The following SLC29A3 variants were observed in gnomAD, a reference collection of about 807,000 sequenced individuals.
The protein encoded by SLC29A3 is solute carrier family 29 member 3.
A neutral mutation model predicts 25.4 loss-of-function variants in SLC29A3; 18 were observed. That is an observed-to-expected ratio of 0.71 (90% CI 0.49 to 1.05). The LOEUF (loss-of-function observed/expected upper bound fraction) is 1.05, where lower values mean the gene tolerates loss of function less well. SLC29A3 is among the 50% of genes least tolerant of loss of function. The pLI is 0.00. For synonymous variants in SLC29A3, 258 were observed against 267.1 expected, an observed-to-expected ratio of 0.97 and a Z score of 0.33; for missense variants, 586 against 609.0, an observed-to-expected ratio of 0.96 and a Z score of 0.40.
chr10:71,372,963 G>T (rs191359141), intron 3 of SLC29A3, among the ~76,000 whole-genome samples: 1 of 152,150 alleles, frequency 6.6e-6, no homozygotes, highest in Non-Finnish European at 1.5e-5. Flanking sequence ...CAAGGCATGC[G>T]TGCGATGACA....
At chr10:71,324,103 G>T (rs1324856188) in intron 2 of SLC29A3, among the ~76,000 whole-genome samples, 3 of 152,180 alleles carry the variant, frequency 2.0e-5, no homozygotes, top group African/African-American at 7.2e-5. Context: ...TTGTAGTAGG[G>T]GAGATAAATG....
chr10:71,327,217 C>T (rs1191919687), intron 2 of SLC29A3, among the ~76,000 whole-genome samples: 2 of 152,168 alleles, frequency 1.3e-5, no homozygotes, highest in East Asian at 1.9e-4. Flanking sequence ...GACACCCTCT[C>T]CCCCAAATTA....
At chr10:71,319,688 C>A (rs1013465260) in intron 1 of SLC29A3, 3 of 225,142 alleles carry the variant, frequency 1.3e-5, no homozygotes, top group Non-Finnish European at 2.6e-5. Context: ...GGTTCTGCCG[C>A]GGCCAGTAGG....
At chr10:71,357,177 G>A (rs1443282006) in intron 5 of SLC29A3, among the ~76,000 whole-genome samples, 1 of 152,178 alleles carries the variant, frequency 6.6e-6, no homozygotes, top group East Asian at 1.9e-4. Context: ...CACTTTGGGA[G>A]GCCAAGGCAG....
At chr10:71,340,009 AG>A (rs1176534714) in intron 2 of SLC29A3, among the ~76,000 whole-genome samples, 1 of 152,232 alleles carries the variant, frequency 6.6e-6, no homozygotes, top group Non-Finnish European at 1.5e-5. Flanking sequence ...CAGCAAACAA[AG>A]GGACAGGTCA....
intron 3 of SLC29A3, among the ~76,000 whole-genome samples, chr10:71,372,961 G>C (rs1027425493): frequency 1.3e-5 from 2 of 152,148 alleles, no homozygotes; most frequent in African/African-American, 4.8e-5. Flanking sequence ...CTCAAGGCAT[G>C]CGTGCGATGA....
intron 2 of SLC29A3, 120 bp downstream of exon 2, chr10:71,323,174 T>C (rs1216450822): frequency 1.5e-6 from 2 of 1,351,516 alleles, no homozygotes; most frequent in Non-Finnish European, 2.1e-6. Context: ...ACTGTTTAGC[T>C]TGGGAAGAAG....
In SLC29A3 at chr10:71,362,030, C is replaced by T; in HGVS notation, c.850C>T (p.Pro284Ser). 6.2e-7 allele frequency: 1 copy of T among 1,614,154 alleles called. No homozygotes were observed. The change falls in exon 6 of 6, where the codon CCT (proline) becomes TCT (serine). Residue 284 changes from proline to serine, a missense_variant. Coordinates refer to ENST00000373189, the MANE Select transcript of SLC29A3 (RefSeq NM_018344.6). ...GCTTCCCCAGGACTCCCTCAGTGCCCCTTCGGTGGCCTCCAGATTCATTGA... is the reference window on the plus strand; with the variant it reads ...GCTTCCCCAGGACTCCCTCAGTGCCTCTTCGGTGGCCTCCAGATTCATTGA... ...EELPQDSLSAPSVASRFIDSH... is the reference protein window; with the variant it reads ...EELPQDSLSASSVASRFIDSH...
rs544181394 is a variant in SLC29A3, at chr10:71,344,514, G to A, written c.383+223G>A. Among the ~76,000 whole-genome samples, 193 of 152,306 alleles carry A rather than the reference G, an allele frequency of 1.3e-3. 1 individual carries two copies. Among genetic ancestry groups the A allele is most frequent in the African/African-American group, 4.5e-3 (188 of 41,564 alleles). On this transcript the variant is annotated intron_variant, in intron 3 of 5. Coordinates refer to ENST00000373189, the MANE Select transcript of SLC29A3 (RefSeq NM_018344.6). ...CTCTCCAGCCACATACTGTGACATC[G>A]CTGTGACATTGTGGCAGCAGCCAGT...
Position 71,344,138 on chromosome 10 carries a change from C to A in SLC29A3, c.301-71C>A, listed in dbSNP as rs1216907371. The A allele has an allele frequency of 2.4e-6, 3 of 1,240,886 alleles. No homozygotes were observed. The Admixed American group carries it at 5.0e-5, about 21-fold the overall frequency. 76.9% of individuals were successfully genotyped at this position (1,240,886 alleles called of 1,614,324 possible). On this transcript the variant is annotated intron_variant, in intron 2 of 5. Transcript: ENST00000373189. ...GAAGCCCCACAGAGAGGGGCCCTGT[C>A]TCTGCTCGCGTGGAACTGCTCACCT...
chr10:71,347,233 C>T (rs1392648976), intron 3 of SLC29A3, among the ~76,000 whole-genome samples: 1 of 152,154 alleles, frequency 6.6e-6, no homozygotes, highest in African/African-American at 2.4e-5. Flanking sequence ...GTTAAATCTG[C>T]AGCATCATAA....
chr10:71,323,473 T>C (rs1332004522), intron 2 of SLC29A3, among the ~76,000 whole-genome samples: 1 of 152,260 alleles, frequency 6.6e-6, no homozygotes, highest in African/African-American at 2.4e-5. Flanking sequence ...AGACGGCTGT[T>C]GTAAGTCCAG....
chr10:71,338,057 G>A (rs550580318), intron 2 of SLC29A3, among the ~76,000 whole-genome samples: 1 of 152,356 alleles, frequency 6.6e-6, no homozygotes, highest in South Asian at 2.1e-4. Context: ...CACCATATGG[G>A]GGTACCCTGG....
exon 5 of SLC29A3, chr10:71,380,395 A>C (rs1847293966): frequency 6.6e-6 from 1 of 152,072 alleles, no homozygotes; most frequent in African/African-American, 2.4e-5. Flanking sequence ...TACCTCTCAG[A>C]GCCTTATTTT....
intron 1 of SLC29A3, among the ~76,000 whole-genome samples, chr10:71,319,990 C>A: frequency 6.6e-6 from 1 of 152,358 alleles, no homozygotes; most frequent in Non-Finnish European, 1.5e-5. Flanking sequence ...TTGGGCACTT[C>A]CTTGCCTGCC....
intron 3 of SLC29A3, among the ~76,000 whole-genome samples, chr10:71,374,926 C>T (rs982370820): frequency 2.0e-5 from 3 of 152,288 alleles, no homozygotes; most frequent in East Asian, 1.9e-4. Flanking sequence ...AGCTGCTCCC[C>T]GCTTGCTTCT....
rs886047120 is a variant in SLC29A3, at chr10:71,363,211, A to G, written c.*603A>G. The stretch of plus-strand genomic sequence containing the variant: ...ATGAATGCTTCATTCCAGAGGGACC[A>G]GAGGGCCTCCCTGTGCAAGGGATCA... On this transcript the variant is annotated 3_prime_UTR_variant, in exon 6 of 6. Transcript: ENST00000373189. 6.2e-5 allele frequency: 28 copies of G among 453,566 alleles called. No individual in the cohort carries two copies. Among genetic ancestry groups the G allele is most frequent in the African/African-American group, 5.4e-4 (27 of 50,084 alleles). 28.1% of individuals were successfully genotyped at this position (453,566 alleles called of 1,614,324 possible).
At chr10:71,340,741 C>A (rs1846381603) in intron 2 of SLC29A3, among the ~76,000 whole-genome samples, 1 of 152,210 alleles carries the variant, frequency 6.6e-6, no homozygotes. Flanking sequence ...AGCCCCAACA[C>A]CTCTTGGAAG....
At chr10:71,327,668 T>A (rs72810339) in intron 2 of SLC29A3, among the ~76,000 whole-genome samples, 1 of 152,108 alleles carries the variant, frequency 6.6e-6, no homozygotes, top group Non-Finnish European at 1.5e-5. Context: ...TCATTCATAC[T>A]CAGAGAGTGG....
Sources: gnomAD v4.1 joint callset for allele counts (sites outside exome capture counted in the v4.1 genomes callset) on GRCh38, gnomAD v4.1.1 for gene constraint, MANE v1.5 for transcripts, NCBI Gene and HGNC (gene_info 2026-07-23, HGNC 2026-07-21) for gene names.